The following NBPF8 variants were observed in gnomAD, a reference collection of about 807,000 sequenced individuals.
The protein encoded by NBPF8 is NBPF family member NBPF8.
intron 12 of NBPF8, 67 bp from the exon 11 acceptor site, chr1:120,452,050 G>A: frequency 7.0e-7 from 1 of 1,425,134 alleles, no homozygotes. Context: ...AGAAGTCTCT[G>A]TTGCAATATT....
chr1:120,416,208 CT>C (rs1570920529), upstream of NBPF8, among the ~76,000 whole-genome samples: 1 of 147,156 alleles, frequency 6.8e-6, no homozygotes, highest in Non-Finnish European at 1.5e-5. Context: ...ACCAGAAGCT[CT>C]TTTTTTCTGT....
intron 1 of NBPF8, among the ~76,000 whole-genome samples, chr1:120,421,515 C>T (rs1441933854): frequency 6.7e-6 from 1 of 149,650 alleles, no homozygotes. Context: ...TCCCTTCCTT[C>T]CTTCCTTCCT....
chr1:120,436,553 G>C, exon 1 of NBPF8: 2 of 1,484,580 alleles, frequency 1.3e-6, no homozygotes, highest in Non-Finnish European at 1.9e-6. Flanking sequence ...TTGGTCCAGC[G>C]AGAAGGCAGA....
upstream of NBPF8, among the ~76,000 whole-genome samples, chr1:120,434,521 G>A (rs1238146038): frequency 1.3e-5 from 2 of 148,776 alleles, no homozygotes; most frequent in East Asian, 4.0e-4. Flanking sequence ...CTCACCCCAT[G>A]ACAGGCCCTG....
chr1:120,450,134 G>A (rs368167029), intron 11 of NBPF8, among the ~76,000 whole-genome samples: 73,750 of 151,830 alleles, frequency 0.49, 19,631 homozygotes, highest in African/African-American at 0.69. Flanking sequence ...GGCTGAGGCA[G>A]GAGAATCCTT....
In NBPF8 at chr1:120,428,777, C is replaced by T. The variant is rs1284892659; in HGVS notation, n.510+930C>T. ...CTCTTCAACCCATAACTGAGCGAGGCTGTACCAGCCCCAATGCCATGTAGC... is the reference window on the plus strand; with the variant it reads ...CTCTTCAACCCATAACTGAGCGAGGTTGTACCAGCCCCAATGCCATGTAGC... On this transcript the variant is annotated intron_variant and non_coding_transcript_variant, in intron 3 of 28. Coordinates refer to the NBPF8 transcript ENST00000652355. Among the ~76,000 whole-genome samples, 134 of 148,310 alleles carry T rather than the reference C, an allele frequency of 9.0e-4. 2 individuals carry two copies. Among genetic ancestry groups the T allele is most frequent in the Non-Finnish European group, 1.4e-3 (94 of 67,276 alleles).
intron 18 of NBPF8, among the ~76,000 whole-genome samples, chr1:120,460,997 C>T (rs1360701801): frequency 6.7e-6 from 1 of 148,402 alleles, no homozygotes; most frequent in Non-Finnish European, 1.5e-5. Flanking sequence ...TGTCACCTGA[C>T]CAATTCACTG....
chr1:120,436,033 G>A (rs1661064244), upstream of NBPF8, among the ~76,000 whole-genome samples: 1 of 152,088 alleles, frequency 6.6e-6, no homozygotes, highest in Non-Finnish European at 1.5e-5. Flanking sequence ...TAGATGTATT[G>A]GGAAAGACAC....
chr1:120,434,726 A>T (rs1433920869), upstream of NBPF8, among the ~76,000 whole-genome samples: 1 of 144,986 alleles, frequency 6.9e-6, no homozygotes, highest in Non-Finnish European at 1.5e-5. Context: ...AGTTAATATT[A>T]ACCACTCTCC....
chr1:120,454,056 A>C, exon 15 of NBPF8: 1 of 1,613,346 alleles, frequency 6.2e-7, no homozygotes, highest in South Asian at 1.1e-5. Flanking sequence ...AAGTCGACTC[A>C]GCTCTCATTG....
intron 1 of NBPF8, among the ~76,000 whole-genome samples, chr1:120,422,978 G>A (rs1235291956): frequency 1.2e-4 from 4 of 34,288 alleles, no homozygotes; most frequent in Non-Finnish European, 2.3e-4. Context: ...TTTTTTTTTT[G>A]CTTTGTGTTG....
At chr1:120,422,986 T>G (rs1660616042) in intron 1 of NBPF8, among the ~76,000 whole-genome samples, 2 of 118,202 alleles carry the variant, frequency 1.7e-5, no homozygotes, top group African/African-American at 7.8e-5. Context: ...TTGCTTTGTG[T>G]TGTTTAGTTC....
chr1:120,419,575 C>T (rs1660517413), upstream of NBPF8, among the ~76,000 whole-genome samples: 6 of 152,196 alleles, frequency 3.9e-5, no homozygotes, highest in Non-Finnish European at 1.5e-5. Context: ...CCTCCTGCCT[C>T]AACCTTCAGA....
chr1:120,449,681 C>T (rs1272184763), intron 11 of NBPF8, among the ~76,000 whole-genome samples: 3 of 152,118 alleles, frequency 2.0e-5, no homozygotes, highest in Non-Finnish European at 4.4e-5. Context: ...CTCCAAGAGG[C>T]TCAATCGTGT....
At chr1:120,455,133 A>AT (rs1454672474) in intron 15 of NBPF8, among the ~76,000 whole-genome samples, 1 of 150,876 alleles carries the variant, frequency 6.6e-6, no homozygotes, top group African/African-American at 2.4e-5. Flanking sequence ...ATTTTTGGAG[A>AT]TTTTTTTGGG....
intron 1 of NBPF8, among the ~76,000 whole-genome samples, chr1:120,424,192 T>C (rs1660646172): frequency 6.6e-6 from 1 of 151,912 alleles, no homozygotes; most frequent in African/African-American, 2.4e-5. Flanking sequence ...TTTGGGACTT[T>C]ATATAGTGGA....
At chr1:120,456,531 C>T (rs1309155210) in intron 16 of NBPF8, among the ~76,000 whole-genome samples, 1 of 104,846 alleles carries the variant, frequency 9.5e-6, no homozygotes, top group Admixed American at 8.1e-5. Context: ...GCCTTCTTGT[C>T]TCTTTTGATC....
intron 21 of NBPF8, 123 bp downstream of exon 19, chr1:120,463,089 C>T (rs1366573318): frequency 2.9e-5 from 20 of 689,636 alleles, no homozygotes; most frequent in Non-Finnish European, 4.5e-5. Context: ...GACCTATGGG[C>T]GCATATAGGT....
At chr1:120,432,176 C>T (rs1202418615), upstream of NBPF8, 1 of 142,418 alleles carries the variant, frequency 7.0e-6, no homozygotes, top group Admixed American at 7.3e-5. Flanking sequence ...TTGGAGAGTC[C>T]CTTCAGATCT....
Sources: allele counts gnomAD v4.1 joint callset (sites outside exome capture counted in the v4.1 genomes callset), GRCh38; gene constraint gnomAD v4.1.1; transcripts MANE v1.5; gene names NCBI Gene and HGNC (gene_info 2026-07-23, HGNC 2026-07-21).